Variants in ACVR2B observed in about 807,000 individuals in gnomAD.
ACVR2B encodes the protein activin receptor type-2B.
A neutral mutation model predicts 65.1 loss-of-function variants in ACVR2B; 18 were observed. That is an observed-to-expected ratio of 0.28 (90% CI 0.19 to 0.41). ACVR2B has a LOEUF of 0.41. ACVR2B is among the 10% of genes least tolerant of loss of function. ACVR2B has a pLI of 1.00. For missense variants in ACVR2B, 482 were observed against 682.7 expected (o/e 0.71, Z 3.28); for synonymous variants, 298 against 277.7 (o/e 1.07, Z -0.73).
chr3:38,461,516 C>A (rs566652680), intron 1 of ACVR2B, among the ~76,000 whole-genome samples: 1 of 152,140 alleles, frequency 6.6e-6, no homozygotes, highest in East Asian at 1.9e-4. Context: ...CTTCTGTGAA[C>A]CTTCTGGCTG....
rs76267244 is a variant in ACVR2B, at chr3:38,472,732, G to C, written c.53-4555G>C. Among the ~76,000 whole-genome samples the C allele has an allele frequency of 9.8e-3, 1,492 of 152,214 alleles. 25 individuals carry two copies. Among genetic ancestry groups the C allele is most frequent in the African/African-American group, 0.033 (1,356 of 41,516 alleles). ...TGGGGACACCCAAGTGCAGAGCTCA[G>C]GGACTCCAGGGGAGGTGGGCATGGA... is the stretch of plus-strand genomic sequence containing the variant. On this transcript the variant is annotated intron_variant, in intron 1 of 10. Coordinates refer to ENST00000352511, the MANE Select transcript of ACVR2B (RefSeq NM_001106.4).
chr3:38,487,249 A>AGGAGGTT lies in ACVR2B; in HGVS notation c.*3919_*3925dup, dbSNP rs1223343843. ...GACTTGGGGGTGTTTCTGCAGAAAA[A>AGGAGGTT]GGAGGTTGTTTTTCAGCCTTGAACA... On this transcript the variant is annotated 3_prime_UTR_variant, in exon 11 of 11. Coordinates refer to ENST00000352511, the MANE Select transcript of ACVR2B (RefSeq NM_001106.4). The AGGAGGTT allele has an allele frequency of 1.3e-5, 2 of 152,192 alleles. No homozygotes were observed. The highest frequency in any genetic ancestry group is 2.9e-5 in the Non-Finnish European group (2 of 68,062). 9.4% of individuals were successfully genotyped at this position (152,192 alleles called of 1,614,324 possible).
At position 38,483,038 on chromosome 3, in the gene ACVR2B, G is replaced by T; in HGVS notation, c.1345-100G>T. 1 of 1,419,564 alleles carries T rather than the reference G, an allele frequency of 7.0e-7. No individual in the cohort carries two copies. 87.9% of individuals were successfully genotyped at this position (1,419,564 alleles called of 1,614,324 possible). On this transcript the variant is annotated intron_variant, in intron 10 of 10. Transcript: ENST00000352511. This position sits in a 1 kb window ranked among gnomAD's most constrained non-coding sequence, Gnocchi z 4.8. ...GCTGTGGTTGGGGCTGGTGGGCTCTGCCTGATCCTTGGGAATATCAAGTTT... is the reference window on the plus strand; with the variant it reads ...GCTGTGGTTGGGGCTGGTGGGCTCTTCCTGATCCTTGGGAATATCAAGTTT...
At position 38,488,718 on chromosome 3, in the gene ACVR2B, C is replaced by T. The variant is rs963878657; in HGVS notation, c.*5386C>T. On this transcript the variant is annotated 3_prime_UTR_variant, in exon 11 of 11. Coordinates refer to ENST00000352511, the MANE Select transcript of ACVR2B (RefSeq NM_001106.4). ...CCCTGTAGTGCCAAAACCAGTGATA[C>T]TTTATTTGCTCCTATGGCAGCTCAT... 1.3e-5 allele frequency: 2 copies of T among 152,150 alleles called. No individual in the cohort carries two copies. The highest frequency in any genetic ancestry group is 2.4e-5 in the African/African-American group (1 of 41,430). 9.4% of individuals were successfully genotyped at this position (152,150 alleles called of 1,614,324 possible). A position where few individuals can be genotyped will look rare whatever the true frequency, so the allele number is the denominator to read the frequency against.
rs374138891 is a variant in ACVR2B, at chr3:38,477,398, A to T, written c.164A>T (p.Lys55Met). The T allele has an allele frequency of 3.1e-6, 5 of 1,614,046 alleles. No individual in the cohort carries two copies. The highest frequency in any genetic ancestry group is 1.3e-5 in the African/African-American group (1 of 74,934). Residue 55 changes from lysine to methionine, a missense_variant, in exon 2 of 11, where the codon AAG becomes ATG. By Grantham distance (95) the Lys-to-Met change is moderately conservative (BLOSUM62 -1). This residue lies in a region of ACVR2B where 85 missense variants were observed against 137.3 expected (regional missense o/e 0.62). Coordinates refer to ENST00000352511, the MANE Select transcript of ACVR2B (RefSeq NM_001106.4). This position sits in a 1 kb window ranked among gnomAD's most constrained non-coding sequence, Gnocchi z 6.7. ...GAGCGCTGCGAAGGCGAGCAGGACA[A>T]GCGGCTGCACTGCTACGCCTCCTGG... ...GLERCEGEQD[K>M]RLHCYASWRN...
chr3:38,472,309 A>G (rs1709832158), intron 1 of ACVR2B, among the ~76,000 whole-genome samples: 1 of 152,136 alleles, frequency 6.6e-6, no homozygotes, highest in South Asian at 2.1e-4. Context: ...TGCTAGGGCT[A>G]TAAAGGCAGC....
At chr3:38,472,215 G>T (rs1709830320) in intron 1 of ACVR2B, among the ~76,000 whole-genome samples, 1 of 152,104 alleles carries the variant, frequency 6.6e-6, no homozygotes, top group South Asian at 2.1e-4. Flanking sequence ...TGGTGGAGAT[G>T]CTGCTTTGTG....
intron 1 of ACVR2B, chr3:38,476,423 TCTC>T (rs1017294546): frequency 2.6e-5 from 4 of 151,906 alleles, no homozygotes; most frequent in African/African-American, 9.7e-5. Context: ...ACCAGCTAGC[TCTC>T]CTCTGCCTGA....
chr3:38,478,402 C>G lies in ACVR2B; in HGVS notation c.550C>G (p.Leu184Val), dbSNP rs1200367497. 6.2e-7 allele frequency: 1 copy of G among 1,614,034 alleles called. No individual in the cohort carries two copies. The highest frequency in any genetic ancestry group is 1.3e-5 in the African/African-American group (1 of 74,910). ...CCCTGGGCCTCCACCACCATCCCCTCTGGTGGGCCTGAAGCCACTGCAGCT... is the reference window on the plus strand; with the variant it reads ...CCCTGGGCCTCCACCACCATCCCCTGTGGTGGGCCTGAAGCCACTGCAGCT... ...EDPGPPPPSP[L>V]VGLKPLQLLE... The change falls in exon 5 of 11, where the codon CTG becomes GTG. Residue 184 changes from leucine (L) to valine (V), a missense_variant. Physicochemically the swap from Leu to Val is conservative, Grantham distance 32. Coordinates refer to ENST00000352511, the MANE Select transcript of ACVR2B (RefSeq NM_001106.4).
At chr3:38,462,528 T>C (rs1313608976) in intron 1 of ACVR2B, among the ~76,000 whole-genome samples, 1 of 152,248 alleles carries the variant, frequency 6.6e-6, no homozygotes, top group African/African-American at 2.4e-5. Context: ...TTCATATGAA[T>C]AGAACCTTAC....
At chr3:38,462,362 G>A (rs1709663141) in intron 1 of ACVR2B, among the ~76,000 whole-genome samples, 1 of 152,112 alleles carries the variant, frequency 6.6e-6, no homozygotes, top group African/African-American at 2.4e-5. Flanking sequence ...TGAATACACT[G>A]GTTTAGTCAG....
At position 38,477,644 on chromosome 3, in the gene ACVR2B, C is replaced by T; in HGVS notation, c.260+150C>T. Reference sequence around the variant, plus strand: ...AGCCATGGCCCCACGCCCTTCCACACCCTATTTGTCCTACCTTAGCCCTGA... The same window carrying T: ...AGCCATGGCCCCACGCCCTTCCACATCCTATTTGTCCTACCTTAGCCCTGA... On this transcript the variant is annotated intron_variant, in intron 2 of 10. Coordinates refer to ENST00000352511, the MANE Select transcript of ACVR2B (RefSeq NM_001106.4). This position sits in a 1 kb window ranked among gnomAD's most constrained non-coding sequence, Gnocchi z 6.7. The T allele has an allele frequency of 9.0e-7, 1 of 1,115,330 alleles. No individual in the cohort carries two copies. The highest frequency in any genetic ancestry group is 1.3e-6 in the Non-Finnish European group (1 of 747,980). 69.1% of individuals were successfully genotyped at this position (1,115,330 alleles called of 1,614,324 possible).
intron 1 of ACVR2B, among the ~76,000 whole-genome samples, chr3:38,455,595 A>G (rs938302742): frequency 1.3e-5 from 2 of 151,772 alleles, no homozygotes; most frequent in Non-Finnish European, 1.5e-5. Flanking sequence ...GGCTTAGTTT[A>G]CACCGAAAGC....
In ACVR2B at chr3:38,482,603, G is replaced by T. The variant is rs749622519; in HGVS notation, c.1344+43G>T. The T allele has an allele frequency of 2.5e-6, 4 of 1,600,026 alleles. No individual in the cohort carries two copies. In the East Asian group the frequency reaches 9.0e-5, roughly 36 times the overall value. On this transcript the variant is annotated intron_variant, in intron 10 of 10. Coordinates refer to ENST00000352511, the MANE Select transcript of ACVR2B (RefSeq NM_001106.4). ...GGCAACTTTGCAGGGGGGTGGAGAAGGGAAAACCCTTCATGTGTAGCAGGT... is the reference window on the plus strand; with the variant it reads ...GGCAACTTTGCAGGGGGGTGGAGAATGGAAAACCCTTCATGTGTAGCAGGT...
chr3:38,454,930 C>G (rs1016776296), intron 1 of ACVR2B: 1 of 152,260 alleles, frequency 6.6e-6, no homozygotes, highest in Admixed American at 6.5e-5. Context: ...CCACCTGCTC[C>G]CTCTTTCCCT....
rs990299703 is a variant in ACVR2B, at chr3:38,485,004, C to G, written c.*1672C>G. The G allele has an allele frequency of 6.6e-6, 1 of 152,532 alleles. No homozygotes were observed. Among genetic ancestry groups the G allele is most frequent in the African/African-American group, 2.4e-5 (1 of 41,446 alleles). 9.4% of individuals were successfully genotyped at this position (152,532 alleles called of 1,614,324 possible). A position where few individuals can be genotyped will look rare whatever the true frequency, so the allele number is the denominator to read the frequency against. On this transcript the variant is annotated 3_prime_UTR_variant, in exon 11 of 11. Coordinates refer to ENST00000352511, the MANE Select transcript of ACVR2B (RefSeq NM_001106.4). ...TTGTCATCAACTGTAGGTTGGCTGT[C>G]TGGGCCAAGTCTGGGCATTTATCAG... is the stretch of plus-strand genomic sequence containing the variant.
At chr3:38,461,551 GGGA>G (rs1709647267) in intron 1 of ACVR2B, among the ~76,000 whole-genome samples, 1 of 152,072 alleles carries the variant, frequency 6.6e-6, no homozygotes, top group African/African-American at 2.4e-5. Flanking sequence ...AGGGCTGTGT[GGGA>G]GTAGAAGGAG....
In ACVR2B at chr3:38,481,455, C is replaced by T. The variant is rs781100925; in HGVS notation, c.1064C>T (p.Thr355Ile). Residue 355 changes from threonine to isoleucine, a missense_variant, in exon 8 of 11, where the codon ACC (threonine) becomes ATC (isoleucine). By Grantham distance (89) the Thr-to-Ile change is moderately conservative (BLOSUM62 -1). Transcript: ENST00000352511. The surrounding 1 kb of genome is among the most constrained non-coding windows in gnomAD (Gnocchi z 4.7). ...RFEPGKPPGD[T>I]HGQVGTRRYM... is the part of the protein sequence containing the mutation. The stretch of plus-strand genomic sequence containing the variant: ...GAGCCAGGGAAACCTCCAGGGGACA[C>T]CCACGGACAGGTAACAGGCCTCACA... 2 of 1,614,054 alleles carry T rather than the reference C, an allele frequency of 1.2e-6. No individual in the cohort carries two copies. Among genetic ancestry groups the T allele is most frequent in the Non-Finnish European group, 8.5e-7 (1 of 1,179,910 alleles).
intron 1 of ACVR2B, 58 bp downstream of exon 1, chr3:38,454,432 G>A: frequency 8.2e-7 from 1 of 1,213,520 alleles, no homozygotes. Flanking sequence ...GGCCTCTGGC[G>A]CCGCGCGGTG....
Sources: allele counts gnomAD v4.1 joint callset (sites outside exome capture counted in the v4.1 genomes callset), GRCh38; gene constraint gnomAD v4.1.1; regional missense constraint gnomAD v4.1.1; non-coding constraint Gnocchi (gnomAD v3.1); transcripts MANE v1.5; gene names NCBI Gene and HGNC (gene_info 2026-07-23, HGNC 2026-07-21).